Variants in C12orf75 observed in about 807,000 individuals in gnomAD.
C12orf75 encodes the protein overexpressed in colon carcinoma 1 protein.
Under a neutral mutation model 11.4 loss-of-function variants are expected in C12orf75, and 4 were observed. The observed-to-expected ratio is 0.35, with a 90% CI of 0.17 to 0.80. The LOEUF is 0.80. C12orf75 is among the 30% of genes least tolerant of loss of function. The pLI, the probability that C12orf75 is intolerant of heterozygous loss-of-function variation, is 0.52. For synonymous variants in C12orf75, 30 were observed against 30.0 expected (o/e 1.00, Z 0.00); for missense variants, 89 against 80.4 (o/e 1.11, Z -0.41).
intron 2 of C12orf75, among the ~76,000 whole-genome samples, chr12:105,350,377 G>T (rs1304931158): frequency 1.3e-5 from 2 of 152,214 alleles, no homozygotes; most frequent in Non-Finnish European, 2.9e-5. Flanking sequence ...GGCTGGGAGG[G>T]CTGTGCAGAG....
chr12:105,365,255 T>A (rs762042382), intron 2 of C12orf75, among the ~76,000 whole-genome samples: 1 of 152,198 alleles, frequency 6.6e-6, no homozygotes, highest in Non-Finnish European at 1.5e-5. Flanking sequence ...AAATGGCTCA[T>A]GTTTTTAGAT....
intron 2 of C12orf75, among the ~76,000 whole-genome samples, chr12:105,357,882 T>C (rs1892808806): frequency 6.6e-6 from 1 of 151,870 alleles, no homozygotes; most frequent in Non-Finnish European, 1.5e-5. Flanking sequence ...TCTTGCTCTG[T>C]TGCCCAGGCT....
chr12:105,356,203 A>G (rs1892778676), intron 2 of C12orf75, among the ~76,000 whole-genome samples: 1 of 152,246 alleles, frequency 6.6e-6, no homozygotes, highest in Non-Finnish European at 1.5e-5. Flanking sequence ...TCATGAAAAC[A>G]TGTTATAAAG....
rs1196711823 is a variant in C12orf75, at chr12:105,330,922, G to C, written c.31G>C (p.Ala11Pro). The C allele has an allele frequency of 1.6e-6, 2 of 1,240,414 alleles. No individual in the cohort carries two copies. The highest frequency in any genetic ancestry group is 2.0e-6 in the Non-Finnish European group (2 of 994,290). 76.8% of individuals were successfully genotyped at this position (1,240,414 alleles called of 1,614,324 possible). ...CTGCGGGAACTCCACCGCCACCAGC[G>C]CGGGCGCGGGCCAAGGTGAGTCCGG... The part of the protein sequence containing the change: MGCGNSTATS[A>P]GAGQGPAGAA... Residue 11 changes from alanine (A) to proline (P), a missense_variant, in exon 1 of 6, where the codon GCG (alanine) becomes CCG (proline). Transcript: ENST00000443585.
chr12:105,370,595 G>A, intron 5 of C12orf75, 39 bp from the exon 6 acceptor site: 1 of 457,588 alleles, frequency 2.2e-6, no homozygotes, highest in Non-Finnish European at 4.4e-6. Context: ...AGTTGTACCT[G>A]TTTGCTCACT....
chr12:105,330,853 C>G lies in C12orf75; in HGVS notation c.-39C>G. 3.2e-6 allele frequency: 4 copies of G among 1,252,448 alleles called. No homozygotes were observed. The highest frequency in any genetic ancestry group is 3.0e-6 in the Non-Finnish European group (3 of 1,000,124). The allele number at this position is 1,252,448 out of a possible 1,614,324, so 77.6% of individuals were successfully genotyped here. On this transcript the variant is annotated 5_prime_UTR_variant, in exon 1 of 6. Transcript: ENST00000443585. ...GGTCTCCGCCCCCAGGACCCGCGGCCGAGAGCTCCGGAGCGCGGCTTCCCC... is the reference window on the plus strand; with the variant it reads ...GGTCTCCGCCCCCAGGACCCGCGGCGGAGAGCTCCGGAGCGCGGCTTCCCC...
intron 5 of C12orf75, among the ~76,000 whole-genome samples, 181 bp from the exon 6 acceptor site, chr12:105,370,453 A>C (rs1160434945): frequency 6.6e-6 from 1 of 152,116 alleles, no homozygotes; most frequent in Non-Finnish European, 1.5e-5. Flanking sequence ...TCTTTATATA[A>C]TTATCATCAA....
chr12:105,340,830 G>A (rs1170866656), intron 1 of C12orf75, among the ~76,000 whole-genome samples: 1 of 152,152 alleles, frequency 6.6e-6, no homozygotes, highest in Non-Finnish European at 1.5e-5. Flanking sequence ...ATGAGAAGAC[G>A]GACATAGAAG....
At chr12:105,338,004 TAG>T (rs796784146) in intron 1 of C12orf75, among the ~76,000 whole-genome samples, 134 of 152,176 alleles carry the variant, frequency 8.8e-4, no homozygotes, top group African/African-American at 3.2e-3. Flanking sequence ...CAAAGCAAAA[TAG>T]AGTCAGTTAT....
intron 5 of C12orf75, among the ~76,000 whole-genome samples, chr12:105,368,976 CAGA>C (rs1592886963): frequency 1.3e-5 from 2 of 152,276 alleles, no homozygotes; most frequent in East Asian, 3.9e-4. Flanking sequence ...TTCTCCTGTG[CAGA>C]AGTACTTTTA....
chr12:105,330,848 G>A lies in C12orf75; in HGVS notation c.-44G>A, dbSNP rs912317527. The A allele has an allele frequency of 6.4e-6, 8 of 1,248,824 alleles. No individual in the cohort carries two copies. In the South Asian group the frequency reaches 1.3e-4, roughly 20 times the overall value. 77.4% of individuals were successfully genotyped at this position (1,248,824 alleles called of 1,614,324 possible). On this transcript the variant is annotated 5_prime_UTR_variant, in exon 1 of 6. Coordinates refer to ENST00000443585, the MANE Select transcript of C12orf75 (RefSeq NM_001145199.2). ...GTCTGGGTCTCCGCCCCCAGGACCC[G>A]CGGCCGAGAGCTCCGGAGCGCGGCT...
In C12orf75 at chr12:105,330,880, G is replaced by A; in HGVS notation, c.-12G>A. ...AGAGCTCCGGAGCGCGGCTTCCCCG[G>A]CCGGCTGCGCGATGGGCTGCGGGAA... On this transcript the variant is annotated 5_prime_UTR_variant, in exon 1 of 6. Coordinates refer to ENST00000443585, the MANE Select transcript of C12orf75 (RefSeq NM_001145199.2). The A allele has an allele frequency of 8.0e-7, 1 of 1,254,168 alleles. No homozygotes were observed. The highest frequency in any genetic ancestry group is 1.0e-6 in the Non-Finnish European group (1 of 1,000,464). 77.7% of individuals were successfully genotyped at this position (1,254,168 alleles called of 1,614,324 possible). A position where few individuals can be genotyped will look rare whatever the true frequency, so the allele number is the denominator to read the frequency against.
At chr12:105,370,241 C>A (rs767607429) in intron 5 of C12orf75, among the ~76,000 whole-genome samples, 1 of 152,140 alleles carries the variant, frequency 6.6e-6, no homozygotes, top group Non-Finnish European at 1.5e-5. Context: ...ATCAGAATCC[C>A]GTGGGGGAGT....
chr12:105,368,534 C>G (rs1045449059), intron 5 of C12orf75, among the ~76,000 whole-genome samples: 1 of 152,186 alleles, frequency 6.6e-6, no homozygotes, highest in Non-Finnish European at 1.5e-5. Flanking sequence ...TTAGCATCTG[C>G]TATCATCATC....
chr12:105,330,877 C>G lies in C12orf75; in HGVS notation c.-15C>G. The G allele has an allele frequency of 7.2e-6, 9 of 1,254,432 alleles. No homozygotes were observed. The highest frequency in any genetic ancestry group is 9.0e-6 in the Non-Finnish European group (9 of 1,000,526). 77.7% of individuals were successfully genotyped at this position (1,254,432 alleles called of 1,614,324 possible). ...CCGAGAGCTCCGGAGCGCGGCTTCCCCGGCCGGCTGCGCGATGGGCTGCGG... is the reference window on the plus strand; with the variant it reads ...CCGAGAGCTCCGGAGCGCGGCTTCCGCGGCCGGCTGCGCGATGGGCTGCGG... On this transcript the variant is annotated 5_prime_UTR_variant, in exon 1 of 6. Coordinates refer to ENST00000443585, the MANE Select transcript of C12orf75 (RefSeq NM_001145199.2).
At chr12:105,361,100 G>A (rs995046298) in intron 2 of C12orf75, among the ~76,000 whole-genome samples, 5 of 151,928 alleles carry the variant, frequency 3.3e-5, no homozygotes, top group Admixed American at 1.3e-4. Context: ...AGGAATCAAC[G>A]TACCCTTTTC....
At chr12:105,368,259 A>G (rs533583348) in intron 5 of C12orf75, among the ~76,000 whole-genome samples, 1 of 152,296 alleles carries the variant, frequency 6.6e-6, no homozygotes, top group African/African-American at 2.4e-5. Context: ...GTCCAACAAC[A>G]CATTCCATGC....
At chr12:105,356,971 ATTAAT>A (rs1397244433) in intron 2 of C12orf75, among the ~76,000 whole-genome samples, 1 of 152,220 alleles carries the variant, frequency 6.6e-6, no homozygotes, top group African/African-American at 2.4e-5. Flanking sequence ...CAAAAAATAC[ATTAAT>A]TTAAAAAAAG....
At chr12:105,357,807 T>TGAGA (rs1296757750) in intron 2 of C12orf75, among the ~76,000 whole-genome samples, 14 of 122,894 alleles carry the variant, frequency 1.1e-4, no homozygotes, top group Non-Finnish European at 1.6e-4. Flanking sequence ...TGTGTGTGTG[T>TGAGA]GAGAGAGAGA....
Sources: allele counts gnomAD v4.1 joint callset (sites outside exome capture counted in the v4.1 genomes callset), GRCh38; gene constraint gnomAD v4.1.1; transcripts MANE v1.5; gene names NCBI Gene and HGNC (gene_info 2026-07-23, HGNC 2026-07-21).